MARK2: variants seen among roughly 807,000 people sequenced by gnomAD.
The protein encoded by MARK2 is serine/threonine-protein kinase MARK2.
MARK2 carries 16 observed loss-of-function variants against 89.8 expected under a neutral mutation model. The ratio of observed to expected loss-of-function variants is 0.18; its 90% CI spans 0.12 to 0.27. MARK2 has a LOEUF of 0.27. MARK2 is among the 10% of genes least tolerant of loss of function. The pLI, the probability that MARK2 is intolerant of heterozygous loss-of-function variation, is 1.00. For missense variants in MARK2, 621 were observed against 1,049.9 expected, an observed-to-expected ratio of 0.59 and a Z score of 5.65; for synonymous variants, 382 against 399.5, an observed-to-expected ratio of 0.96 and a Z score of 0.52.
At chr11:63,843,610 A>AAT (rs563767751) in intron 1 of MARK2, among the ~76,000 whole-genome samples, 2,675 of 151,354 alleles carry the variant, frequency 0.018, 37 homozygotes, top group Non-Finnish European at 0.029. Flanking sequence ...TCTGGATAAA[A>AAT]ATATATATAT....
chr11:63,846,781 G>A (rs538917541), intron 1 of MARK2, among the ~76,000 whole-genome samples: 9 of 150,414 alleles, frequency 6.0e-5, no homozygotes, highest in African/African-American at 2.2e-4. Context: ...TCAGCCTCCC[G>A]AGTAGCTGGG....
intron 16 of MARK2, 62 bp downstream of exon 16, chr11:63,905,105 TG>T: frequency 2.4e-6 from 1 of 425,274 alleles, no homozygotes; most frequent in Non-Finnish European, 4.7e-6. Flanking sequence ...TTACTCGGGG[TG>T]GGTTGGGGGT....
chr11:63,895,861 G>A (rs1036552596), intron 3 of MARK2, among the ~76,000 whole-genome samples: 2 of 151,798 alleles, frequency 1.3e-5, no homozygotes, highest in African/African-American at 4.8e-5. Flanking sequence ...GTAGAGATGG[G>A]GTTTCACCAT....
At chr11:63,846,499 G>A (rs540635710) in intron 1 of MARK2, among the ~76,000 whole-genome samples, 1 of 151,728 alleles carries the variant, frequency 6.6e-6, no homozygotes, top group South Asian at 2.1e-4. Flanking sequence ...GAGATTACAG[G>A]TGTACGCCAC....
intron 1 of MARK2, among the ~76,000 whole-genome samples, chr11:63,854,651 A>G (rs914393557): frequency 1.3e-5 from 2 of 151,748 alleles, no homozygotes; most frequent in Admixed American, 6.6e-5. Context: ...CCTGTCCAAC[A>G]TGGTGAAACC....
In MARK2 at chr11:63,904,222, TC is replaced by T; in HGVS notation, c.1676+78del. 2 of 1,327,812 alleles carry T rather than the reference TC, an allele frequency of 1.5e-6. No individual in the cohort carries two copies. The highest frequency in any genetic ancestry group is 2.0e-6 in the Non-Finnish European group (2 of 991,038). 82.3% of individuals were successfully genotyped at this position (1,327,812 alleles called of 1,614,324 possible). On this transcript the variant is annotated intron_variant, in intron 15 of 18. Transcript: ENST00000402010. This position sits in a 1 kb window ranked among gnomAD's most constrained non-coding sequence, Gnocchi z 6.3. The stretch of plus-strand genomic sequence containing the variant: ...CCCCCTTGCCCCAACAATTTCTTCT[TC>T]CCACTTGGGGGTCCTGCTGTGTTCT...
At chr11:63,878,590 C>T (rs761958007) in intron 1 of MARK2, among the ~76,000 whole-genome samples, 33 of 151,964 alleles carry the variant, frequency 2.2e-4, no homozygotes, top group Non-Finnish European at 2.5e-4. Context: ...AGGATGGTCT[C>T]GATCTCCTGA....
chr11:63,907,320 G>A (rs566530551), intron 17 of MARK2, among the ~76,000 whole-genome samples: 1 of 152,200 alleles, frequency 6.6e-6, no homozygotes, highest in Non-Finnish European at 1.5e-5. Context: ...CCCACAGGGG[G>A]TCTGGAGAGA....
At position 63,910,471 on chromosome 11, in the gene MARK2, G is replaced by A. The variant is rs1170998937; in HGVS notation, c.*1234G>A. Reference sequence around the variant, plus strand: ...CCCAGCTTGCTACCCTCAGTGGCCAGTGTGGGCGTGGGCGGTTTGGGGCGC... The same window carrying A: ...CCCAGCTTGCTACCCTCAGTGGCCAATGTGGGCGTGGGCGGTTTGGGGCGC... On this transcript the variant is annotated 3_prime_UTR_variant, in exon 19 of 19. Transcript: ENST00000402010. 1 of 152,202 alleles carries A rather than the reference G, an allele frequency of 6.6e-6. No individual in the cohort carries two copies. Among genetic ancestry groups the A allele is most frequent in the Admixed American group, 6.5e-5 (1 of 15,284 alleles). The allele number at this position is 152,202 out of a possible 1,614,324, so 9.4% of individuals were successfully genotyped here.
At chr11:63,873,865 T>C (rs1373393562) in intron 1 of MARK2, among the ~76,000 whole-genome samples, 2 of 152,220 alleles carry the variant, frequency 1.3e-5, no homozygotes, top group Admixed American at 6.5e-5. Context: ...CAGGCTGGTC[T>C]TGAACTCCCG....
chr11:63,892,376 C>G (rs1939933831), intron 1 of MARK2, among the ~76,000 whole-genome samples: 1 of 152,202 alleles, frequency 6.6e-6, no homozygotes, highest in Admixed American at 6.5e-5. Context: ...ACTTAACTTG[C>G]TGCTGTCGTT....
Position 63,909,336 on chromosome 11 carries a change from G to A in MARK2, c.*99G>A. 7.8e-7 allele frequency: 1 copy of A among 1,274,022 alleles called. No homozygotes were observed. The highest frequency in any genetic ancestry group is 1.1e-6 in the Non-Finnish European group (1 of 949,924). 78.9% of individuals were successfully genotyped at this position (1,274,022 alleles called of 1,614,324 possible). On this transcript the variant is annotated 3_prime_UTR_variant, in exon 19 of 19. Coordinates refer to ENST00000402010, the MANE Select transcript of MARK2 (RefSeq NM_001039469.3). Reference sequence around the variant, plus strand: ...GGCGAGACTGCAGCGATGGATTGGTGTGTCTCCCCTGCTGGCACTTCTCCC... The same window carrying A: ...GGCGAGACTGCAGCGATGGATTGGTATGTCTCCCCTGCTGGCACTTCTCCC...
In MARK2 at chr11:63,900,732, C is replaced by G; in HGVS notation, c.889-48C>G. 6.2e-7 allele frequency: 1 copy of G among 1,613,546 alleles called. No individual in the cohort carries two copies. The highest frequency in any genetic ancestry group is 8.5e-7 in the Non-Finnish European group (1 of 1,179,476). Reference sequence around the variant, plus strand: ...GGCCTGGGGTCCCCACAGAAACTTTCCAGCTGAGTTTCTTCCCCCTGCCCT... The same window carrying G: ...GGCCTGGGGTCCCCACAGAAACTTTGCAGCTGAGTTTCTTCCCCCTGCCCT... On this transcript the variant is annotated intron_variant, in intron 9 of 18. Transcript: ENST00000402010. The surrounding 1 kb of genome is among the most constrained non-coding windows in gnomAD (Gnocchi z 4.7).
intron 16 of MARK2, 79 bp downstream of exon 16, chr11:63,905,122 G>GT: frequency 1.5e-6 from 2 of 1,310,442 alleles, no homozygotes; most frequent in East Asian, 2.5e-5. Context: ...GGGGTTGGGG[G>GT]TTGGGGTTTG....
Position 63,900,985 on chromosome 11 carries a change from G to A in MARK2, c.1017G>A (p.Arg339=). 27 of 1,614,102 alleles carry A rather than the reference G, an allele frequency of 1.7e-5. No homozygotes were observed. The highest frequency in any genetic ancestry group is 2.3e-5 in the Non-Finnish European group (27 of 1,179,968). The change falls in exon 11 of 19, where the codon CGG becomes CGA. Residue 339 remains arginine (R), a synonymous_variant. Transcript: ENST00000402010. This position sits in a 1 kb window ranked among gnomAD's most constrained non-coding sequence, Gnocchi z 4.7. ...TGATGGTGTCCATGGGTTATACACG[G>A]GAAGAGATCCAGGACTCGCTGGTGG... The part of the protein sequence containing the change: ...TELMVSMGYT[R]EEIQDSLVGQ...
chr11:63,868,746 C>G (rs1938275403), intron 1 of MARK2: 2 of 455,682 alleles, frequency 4.4e-6, no homozygotes, highest in Non-Finnish European at 8.8e-6. Flanking sequence ...AGTCTTGCCT[C>G]TTTTTTGATG....
In MARK2 at chr11:63,910,740, C is replaced by G. The variant is rs1240093884; in HGVS notation, c.*1503C>G. On this transcript the variant is annotated 3_prime_UTR_variant, in exon 19 of 19. Coordinates refer to ENST00000402010, the MANE Select transcript of MARK2 (RefSeq NM_001039469.3). ...GCTCAGCGATTAAGCCGAGCCCTTG[C>G]GTCCTAGGAAGGGGCCTTGCCAACC... 2 of 150,768 alleles carry G rather than the reference C, an allele frequency of 1.3e-5. No individual in the cohort carries two copies. The highest frequency in any genetic ancestry group is 2.4e-5 in the African/African-American group (1 of 41,026). The allele number at this position is 150,768 out of a possible 1,614,324, so 9.3% of individuals were successfully genotyped here. A position where few individuals can be genotyped will look rare whatever the true frequency, so the allele number is the denominator to read the frequency against.
chr11:63,900,126 A>G lies in MARK2; in HGVS notation c.768+16A>G. The G allele has an allele frequency of 6.4e-7, 1 of 1,567,162 alleles. No homozygotes were observed. Among genetic ancestry groups the G allele is most frequent in the Non-Finnish European group, 8.8e-7 (1 of 1,137,384 alleles). The stretch of plus-strand genomic sequence containing the variant: ...GAACCTCAAGGTGGAGTGAAGTGCA[A>G]GCTTTTTATTGCTTCTCATTTCCTC... On this transcript the variant is annotated intron_variant, in intron 8 of 18. Coordinates refer to ENST00000402010, the MANE Select transcript of MARK2 (RefSeq NM_001039469.3). The surrounding 1 kb of genome is among the most constrained non-coding windows in gnomAD (Gnocchi z 4.7).
Position 63,900,305 on chromosome 11 carries a change from G to A in MARK2, c.768+195G>A, listed in dbSNP as rs1247424614. Among the ~76,000 whole-genome samples the A allele has an allele frequency of 2.6e-5, 4 of 152,080 alleles. No individual in the cohort carries two copies. The highest frequency in any genetic ancestry group is 5.9e-5 in the Non-Finnish European group (4 of 68,028). On this transcript the variant is annotated intron_variant, in intron 8 of 18. Transcript: ENST00000402010. This position sits in a 1 kb window ranked among gnomAD's most constrained non-coding sequence, Gnocchi z 4.7. ...ACCTCAGTTCCTTTCTCGAAAGATG[G>A]GATAAACTGTGTGTGTGTTCATCCC...
Sources: gnomAD v4.1 joint callset for allele counts (sites outside exome capture counted in the v4.1 genomes callset) on GRCh38, gnomAD v4.1.1 for gene constraint, Gnocchi (gnomAD v3.1) non-coding constraint, MANE v1.5 for transcripts, NCBI Gene and HGNC (gene_info 2026-07-23, HGNC 2026-07-21) for gene names.